The following HERC2 variants were observed in gnomAD, a reference collection of about 807,000 sequenced individuals.
HERC2 encodes HECT and RLD domain containing E3 ubiquitin protein ligase 2.
A neutral mutation model predicts 537.7 loss-of-function variants in HERC2; 102 were observed. That is an observed-to-expected ratio of 0.19 (90% confidence interval 0.16 to 0.22). The LOEUF (loss-of-function observed/expected upper bound fraction) is 0.22, where lower values mean the gene tolerates loss of function less well. HERC2 is among the 10% of genes least tolerant of loss of function. The probability of loss-of-function intolerance (pLI) is 1.00; values close to 1 mark genes in which losing one functional copy is unlikely to be tolerated. For synonymous variants in HERC2, 2,224 were observed against 2,466.2 expected (o/e 0.90, Z 2.91); for missense variants, 4,236 against 6,198.2 (o/e 0.68, Z 10.63).
chr15:28,257,745 C>CT (rs112527396), intron 16 of HERC2, among the ~76,000 whole-genome samples: 3,109 of 145,642 alleles, frequency 0.021, 100 homozygotes, highest in African/African-American at 0.071. Context: ...AATACATATA[C>CT]TTTTTTTTTT....
chr15:28,187,775 GA>G (rs1404674622), intron 55 of HERC2, among the ~76,000 whole-genome samples: 1 of 152,080 alleles, frequency 6.6e-6, no homozygotes, highest in Non-Finnish European at 1.5e-5. Flanking sequence ...ATTCAAATCA[GA>G]ACACAAGCAA....
At chr15:28,166,965 T>C (rs1894205313) in intron 68 of HERC2, among the ~76,000 whole-genome samples, 2 of 152,228 alleles carry the variant, frequency 1.3e-5, no homozygotes, top group Admixed American at 1.3e-4. Context: ...GACAGACGGA[T>C]GAGAAGGGAA....
At chr15:28,246,710 A>G in intron 22 of HERC2, 32 bp downstream of exon 22, 3 of 1,515,664 alleles carry the variant, frequency 2.0e-6, no homozygotes, top group East Asian at 4.9e-5. Context: ...CTCCTAAAAT[A>G]AACATGTACA....
rs1034225470 is a variant in HERC2 at position 28,263,284 on chromosome 15, T to C, written c.1871-115A>G. On this transcript the variant is annotated intron_variant, in intron 14 of 92. Coordinates refer to ENST00000261609, the MANE Select transcript of HERC2 (RefSeq NM_004667.6). ...CACTAATCTAGACCACTCAGGTACA[T>C]AGTTAACACTACAAGGGTGGCTACT... The C allele has an allele frequency of 6.3e-5, 70 of 1,108,244 alleles. 1 individual carries two copies. The South Asian group carries it at 7.9e-4, about 12-fold the overall frequency. 68.7% of individuals were successfully genotyped at this position (1,108,244 alleles called of 1,614,324 possible). A position where few individuals can be genotyped will look rare whatever the true frequency, so the allele number is the denominator to read the frequency against.
chr15:28,192,228 G>A, intron 52 of HERC2, 77 bp from the exon 53 acceptor site: 1 of 1,225,468 alleles, frequency 8.2e-7, no homozygotes, highest in Non-Finnish European at 1.1e-6. Flanking sequence ...ATATTACATA[G>A]TAAGGAGCTT....
intron 2 of HERC2, among the ~76,000 whole-genome samples, chr15:28,313,126 C>T (rs1355402798): frequency 9.4e-5 from 14 of 148,694 alleles, no homozygotes; most frequent in Admixed American, 2.7e-4. Flanking sequence ...CAAGCCTTCA[C>T]GCTCCCATAC....
At chr15:28,161,267 T>C (rs999811108) in intron 69 of HERC2, among the ~76,000 whole-genome samples, 21 of 152,200 alleles carry the variant, frequency 1.4e-4, no homozygotes, top group Admixed American at 8.5e-4. Flanking sequence ...TTTTTTTAAA[T>C]ATAATTCTAC....
At chr15:28,209,772 C>A (rs1898932199) in intron 44 of HERC2, among the ~76,000 whole-genome samples, 1 of 152,046 alleles carries the variant, frequency 6.6e-6, no homozygotes, top group South Asian at 2.1e-4. Context: ...GGAACTCATC[C>A]CCATGGATAT....
At chr15:28,290,591 C>G (rs945519455) in intron 4 of HERC2, among the ~76,000 whole-genome samples, 1 of 152,172 alleles carries the variant, frequency 6.6e-6, no homozygotes, top group Non-Finnish European at 1.5e-5. Flanking sequence ...GGGCTTCAGA[C>G]AAGCCTCAAC....
intron 23 of HERC2, among the ~76,000 whole-genome samples, chr15:28,244,489 G>C (rs533292230): frequency 6.6e-6 from 1 of 152,152 alleles, no homozygotes; most frequent in African/African-American, 2.4e-5. Context: ...GTCCGAGTTT[G>C]GGAGGGTCCT....
intron 23 of HERC2, among the ~76,000 whole-genome samples, chr15:28,241,129 A>G (rs2140740087): frequency 6.6e-6 from 1 of 152,348 alleles, no homozygotes; most frequent in African/African-American, 2.4e-5. Context: ...AATGCAAAAC[A>G]GATTGCAAAT....
At chr15:28,247,643 T>G (rs550224849) in intron 21 of HERC2, among the ~76,000 whole-genome samples, 1 of 152,130 alleles carries the variant, frequency 6.6e-6, no homozygotes, top group Non-Finnish European at 1.5e-5. Context: ...TTGGTCAGGC[T>G]GGTCTTGAAC....
chr15:28,127,501 T>C (rs1434610195), intron 83 of HERC2, among the ~76,000 whole-genome samples: 2 of 152,208 alleles, frequency 1.3e-5, no homozygotes, highest in East Asian at 3.8e-4. Flanking sequence ...TCAACAGACA[T>C]CAAACATAAA....
At position 28,275,011 on chromosome 15, in the gene HERC2, G is replaced by A. The variant is rs778490608; in HGVS notation, c.543-6C>T. The stretch of plus-strand genomic sequence containing the variant: ...CTTTGCCCGCAGGCCGGGAACTGCA[G>A]ACGACACACACGGAACATACAACCA... On this transcript the variant is annotated splice_polypyrimidine_tract_variant and splice_region_variant and intron_variant, in intron 5 of 92. Transcript: ENST00000261609. 7 of 1,591,326 alleles carry A rather than the reference G, an allele frequency of 4.4e-6. No individual in the cohort carries two copies. The Admixed American group carries it at 1.0e-4, about 23-fold the overall frequency.
In HERC2 at chr15:28,230,387, T is replaced by G. The variant is rs1329286711; in HGVS notation, c.4789A>C (p.Ile1597Leu). 4 of 1,555,964 alleles carry G rather than the reference T, an allele frequency of 2.6e-6. No homozygotes were observed. In the African/African-American group the frequency reaches 5.5e-5, roughly 21 times the overall value. ...HSPINVDKRP[I>L]AIKSPKDKWQ... is the part of the protein sequence containing the mutation. Reference sequence around the variant, plus strand: ...TGCACCTTGGGTGATTTAATTGCAATGGGTCTCTTGTCCACATTTATTGGA... The same window carrying G: ...TGCACCTTGGGTGATTTAATTGCAAGGGGTCTCTTGTCCACATTTATTGGA... The change falls in exon 31 of 93, where the codon ATT becomes CTT. Residue 1597 changes from isoleucine (I) to leucine (L), a missense_variant. Physicochemically the swap from Ile to Leu is conservative, Grantham distance 5 (BLOSUM62 2). Around this residue, in one of 27 missense-constraint regions of HERC2, gnomAD observed 343 missense variants for 417.2 expected, o/e 0.82. Coordinates refer to ENST00000261609, the MANE Select transcript of HERC2 (RefSeq NM_004667.6).
At chr15:28,138,483 C>T (rs1890875687) in intron 78 of HERC2, among the ~76,000 whole-genome samples, 1 of 152,156 alleles carries the variant, frequency 6.6e-6, no homozygotes, top group African/African-American at 2.4e-5. Flanking sequence ...GCTAACTCCA[C>T]TCTGACTGTG....
chr15:28,254,590 G>A, intron 19 of HERC2, 72 bp from the exon 20 acceptor site: 1 of 1,043,490 alleles, frequency 9.6e-7, no homozygotes, highest in Non-Finnish European at 1.4e-6. Context: ...GGCTGGCTGA[G>A]CCCTAACCCC....
intron 40 of HERC2, 55 bp from the exon 41 acceptor site, chr15:28,214,327 G>C: frequency 2.7e-6 from 4 of 1,457,554 alleles, no homozygotes; most frequent in Non-Finnish European, 3.8e-6. Context: ...AGGGCACAGG[G>C]AAAGGAGACG....
intron 74 of HERC2, among the ~76,000 whole-genome samples, chr15:28,143,239 G>A (rs576494521): frequency 3.3e-5 from 5 of 152,036 alleles, no homozygotes; most frequent in African/African-American, 4.8e-5. Flanking sequence ...TGCCTGTCTC[G>A]TCCCATGGGT....
Sources: gnomAD v4.1 joint callset for allele counts (sites outside exome capture counted in the v4.1 genomes callset) on GRCh38, gnomAD v4.1.1 for gene constraint, gnomAD v4.1.1 regional missense constraint, MANE v1.5 for transcripts, NCBI Gene and HGNC (gene_info 2026-07-23, HGNC 2026-07-21) for gene names.